SVIL: variants seen among roughly 807,000 people sequenced by gnomAD.
SVIL encodes the protein archvillin.
SVIL carries 101 observed loss-of-function variants against 240.4 expected under a neutral mutation model. That is an observed-to-expected ratio of 0.42 (90% CI 0.36 to 0.50). The LOEUF is 0.50. Ranked by LOEUF, SVIL falls within the 20% of genes least tolerant of loss-of-function variation. The pLI, the probability that SVIL is intolerant of heterozygous loss-of-function variation, is 0.01. For missense variants in SVIL, 2,512 were observed against 2,818.7 expected, an observed-to-expected ratio of 0.89 and a Z score of 2.46; for synonymous variants, 999 against 1,100.0, an observed-to-expected ratio of 0.91 and a Z score of 1.82.
chr10:29,681,169 G>A (rs904849646), intron 2 of SVIL, among the ~76,000 whole-genome samples: 10 of 152,152 alleles, frequency 6.6e-5, no homozygotes, highest in African/African-American at 2.4e-4. Flanking sequence ...GTACAACTGG[G>A]AAGGAGGATG....
At chr10:29,617,442 G>A (rs185636367) in intron 1 of SVIL, among the ~76,000 whole-genome samples, 5 of 152,078 alleles carry the variant, frequency 3.3e-5, no homozygotes, top group South Asian at 2.1e-4. Context: ...TTAGCCAGGC[G>A]TGGTGGTGCG....
intron 1 of SVIL, among the ~76,000 whole-genome samples, chr10:29,579,470 CA>C (rs1955845705): frequency 6.6e-6 from 1 of 151,378 alleles, no homozygotes; most frequent in African/African-American, 2.4e-5. Flanking sequence ...AAACAAAAAA[CA>C]AAAAACAAAA....
At chr10:29,716,407 G>T (rs890391669) in intron 1 of SVIL, among the ~76,000 whole-genome samples, 3 of 152,084 alleles carry the variant, frequency 2.0e-5, no homozygotes, top group Non-Finnish European at 4.4e-5. Context: ...ACAAAATCCA[G>T]TGGAGACACA....
At chr10:29,617,188 A>G (rs542350230) in intron 1 of SVIL, among the ~76,000 whole-genome samples, 3 of 152,338 alleles carry the variant, frequency 2.0e-5, no homozygotes, top group African/African-American at 7.2e-5. Context: ...AGAAAGGTAT[A>G]TAAGCTCCCA....
chr10:29,618,525 G>T (rs1194714770), intron 1 of SVIL, among the ~76,000 whole-genome samples: 1 of 152,110 alleles, frequency 6.6e-6, no homozygotes, highest in Non-Finnish European at 1.5e-5. Flanking sequence ...GACCCACCAT[G>T]CCTGGCCCAG....
intron 3 of SVIL, among the ~76,000 whole-genome samples, chr10:29,648,225 C>T (rs146164618): frequency 5.8e-4 from 89 of 152,274 alleles, no homozygotes; most frequent in African/African-American, 2.1e-3. Flanking sequence ...TACGTTTGCC[C>T]CTGAATTCTC....
chr10:29,629,578 G>C (rs1352244547), intron 1 of SVIL, among the ~76,000 whole-genome samples: 2 of 151,410 alleles, frequency 1.3e-5, no homozygotes, highest in African/African-American at 4.8e-5. Context: ...AATCCAGCTG[G>C]ATTTGGGCAC....
chr10:29,652,369 T>C (rs1958866078), intron 3 of SVIL, among the ~76,000 whole-genome samples: 2 of 152,242 alleles, frequency 1.3e-5, no homozygotes, highest in South Asian at 4.1e-4. Flanking sequence ...TGTTTTAGCA[T>C]ATGTCAGCAC....
intron 30 of SVIL, 153 bp downstream of exon 30, chr10:29,473,685 G>T: frequency 2.1e-6 from 2 of 933,244 alleles, no homozygotes; most frequent in Non-Finnish European, 3.2e-6. Flanking sequence ...CACAGCCTGA[G>T]ACCTGCAGAA....
intron 27 of SVIL, among the ~76,000 whole-genome samples, chr10:29,482,117 C>G (rs1181469390): frequency 6.7e-6 from 1 of 149,106 alleles, no homozygotes; most frequent in Non-Finnish European, 1.5e-5. Context: ...CAGCCTTGAA[C>G]TCCTGGGCTG....
At chr10:29,664,528 C>A (rs1471779629) in intron 2 of SVIL, among the ~76,000 whole-genome samples, 1 of 152,118 alleles carries the variant, frequency 6.6e-6, no homozygotes, top group Admixed American at 6.5e-5. Flanking sequence ...CTAATTAATT[C>A]TCAGCCATCC....
chr10:29,496,538 G>C (rs549351693), intron 18 of SVIL: 1 of 384,482 alleles, frequency 2.6e-6, no homozygotes, highest in Non-Finnish European at 5.2e-6. Flanking sequence ...GGCCGGTGCC[G>C]GGCAAACCCC....
At position 29,735,666 on chromosome 10, in the gene SVIL, G is replaced by A. The variant is rs1263374802; in HGVS notation, c.-400+85C>T. The A allele has an allele frequency of 6.6e-6, 1 of 151,826 alleles. No homozygotes were observed. The highest frequency in any genetic ancestry group is 2.4e-5 in the African/African-American group (1 of 41,370). 9.4% of individuals were successfully genotyped at this position (151,826 alleles called of 1,614,324 possible). A position where few individuals can be genotyped will look rare whatever the true frequency, so the allele number is the denominator to read the frequency against. ...AGACTGACCCGCGCCTCCCGCCCCGGAGCAGAGCGCAGCGGCGCGTCCTGG... is the reference window on the plus strand; with the variant it reads ...AGACTGACCCGCGCCTCCCGCCCCGAAGCAGAGCGCAGCGGCGCGTCCTGG... On this transcript the variant is annotated intron_variant, in intron 1 of 35. Transcript: ENST00000375400. This position sits in a 1 kb window ranked among gnomAD's most constrained non-coding sequence, Gnocchi z 4.1.
At chr10:29,648,716 G>A (rs548074336) in intron 3 of SVIL, among the ~76,000 whole-genome samples, 1 of 152,086 alleles carries the variant, frequency 6.6e-6, no homozygotes, top group South Asian at 2.1e-4. Context: ...ACAGGTTGAA[G>A]TTCAAACAAT....
chr10:29,679,792 A>C (rs905855311), intron 2 of SVIL, among the ~76,000 whole-genome samples: 3 of 151,298 alleles, frequency 2.0e-5, no homozygotes, highest in Non-Finnish European at 4.4e-5. Context: ...TTCCACCTTT[A>C]CAGAAGTTCG....
intron 17 of SVIL, among the ~76,000 whole-genome samples, chr10:29,509,620 A>T (rs965082553): frequency 3.3e-5 from 5 of 152,074 alleles, no homozygotes; most frequent in Non-Finnish European, 7.4e-5. Context: ...AGGCCGAGGC[A>T]GGTGGATCAC....
At chr10:29,733,398 C>T (rs1019534591) in intron 1 of SVIL, among the ~76,000 whole-genome samples, 4 of 152,066 alleles carry the variant, frequency 2.6e-5, no homozygotes, top group Non-Finnish European at 4.4e-5. Context: ...GATCATAGCT[C>T]ACTGCAGGCT....
chr10:29,486,314 T>C, intron 25 of SVIL, 84 bp from the exon 26 acceptor site: 2 of 1,592,378 alleles, frequency 1.3e-6, no homozygotes, highest in Non-Finnish European at 1.7e-6. Flanking sequence ...TTTCACATTG[T>C]AAAATTTTAT....
intron 3 of SVIL, among the ~76,000 whole-genome samples, chr10:29,656,121 G>A (rs928013435): frequency 4.7e-4 from 71 of 151,124 alleles, no homozygotes; most frequent in African/African-American, 1.6e-3. Flanking sequence ...TGCCTGCCTC[G>A]GCCTCCCAAA....
Sources: gnomAD v4.1 joint callset for allele counts (sites outside exome capture counted in the v4.1 genomes callset) on GRCh38, gnomAD v4.1.1 for gene constraint, Gnocchi (gnomAD v3.1) non-coding constraint, MANE v1.5 for transcripts, NCBI Gene and HGNC (gene_info 2026-07-23, HGNC 2026-07-21) for gene names.